Variants in PSMA6 observed in about 807,000 individuals in gnomAD.
PSMA6 encodes the protein proteasome 20S subunit alpha 6, also known as proteasome subunit alpha type-6.
For synonymous variants in PSMA6, 88 were observed against 97.7 expected (o/e 0.90, Z 0.59); for missense variants, 170 against 294.8 (o/e 0.58, Z 3.10).
chr14:35,306,330 G>C (rs1469186590), intron 1 of PSMA6, among the ~76,000 whole-genome samples: 2 of 152,126 alleles, frequency 1.3e-5, no homozygotes, highest in African/African-American at 4.8e-5. Flanking sequence ...GCTGATATGG[G>C]AGGATCGCTT....
chr14:35,283,377 AAG>A (rs1167918396), intron 1 of PSMA6, among the ~76,000 whole-genome samples: 1 of 151,426 alleles, frequency 6.6e-6, no homozygotes, highest in African/African-American at 2.4e-5. Context: ...AAAAAAAAAA[AAG>A]AGAGAGAAAG....
chr14:35,295,587 G>T (rs894424368), intron 1 of PSMA6, among the ~76,000 whole-genome samples: 3 of 151,484 alleles, frequency 2.0e-5, no homozygotes, highest in African/African-American at 7.3e-5. Flanking sequence ...CAAGTAGCTG[G>T]GATTACAGAC....
At chr14:35,309,453 C>T (rs988202400) in intron 3 of PSMA6, among the ~76,000 whole-genome samples, 8 of 152,100 alleles carry the variant, frequency 5.3e-5, no homozygotes, top group African/African-American at 1.7e-4. Flanking sequence ...AGTTCAAAAC[C>T]AGCCTGGGCA....
intron 1 of PSMA6, among the ~76,000 whole-genome samples, chr14:35,285,360 A>AC (rs1555335410): frequency 1.3e-5 from 2 of 150,742 alleles, no homozygotes; most frequent in African/African-American, 4.9e-5. Flanking sequence ...AAAAACAAAA[A>AC]AAAAAACCGT....
chr14:35,303,842 A>G (rs1224110637), intron 1 of PSMA6, among the ~76,000 whole-genome samples: 4 of 152,118 alleles, frequency 2.6e-5, no homozygotes, highest in African/African-American at 7.2e-5. Flanking sequence ...TAAACAATGT[A>G]GTATAACAAC....
chr14:35,283,007 T>A (rs913645979), intron 1 of PSMA6, among the ~76,000 whole-genome samples: 9 of 151,962 alleles, frequency 5.9e-5, no homozygotes, highest in African/African-American at 2.2e-4. Flanking sequence ...CACACCCAGC[T>A]AATTTTTTGT....
chr14:35,289,010 T>G (rs775196538), upstream of PSMA6, among the ~76,000 whole-genome samples: 4 of 152,314 alleles, frequency 2.6e-5, no homozygotes, highest in South Asian at 8.3e-4. Flanking sequence ...TAGTGTAGTT[T>G]ATGTGTGGCT....
upstream of PSMA6, among the ~76,000 whole-genome samples, chr14:35,287,447 AAACTGCCGGC>A (rs2051431929): frequency 6.6e-6 from 1 of 152,144 alleles, no homozygotes; most frequent in East Asian, 1.9e-4. Context: ...TGGCTCACTG[AAACTGCCGGC>A]AGAGCACCTT....
chr14:35,308,229 G>T, intron 2 of PSMA6, 141 bp downstream of exon 2: 1 of 1,052,146 alleles, frequency 9.5e-7, no homozygotes, highest in South Asian at 1.7e-5. Context: ...CTAGACCAGC[G>T]TGACCAACAT....
chr14:35,281,440 C>G (rs1028550390), intron 1 of PSMA6, among the ~76,000 whole-genome samples: 1 of 152,198 alleles, frequency 6.6e-6, no homozygotes, highest in Non-Finnish European at 1.5e-5. Flanking sequence ...GCTTCTCAAA[C>G]TTAATAGGCA....
rs545835923 is a variant in PSMA6 at position 35,310,252 on chromosome 14, G to A, written c.254-488G>A. 5.1e-5 allele frequency: 22 copies of A among 428,206 alleles called. No homozygotes were observed. The East Asian group carries it at 6.7e-4, about 13-fold the overall frequency. The allele number at this position is 428,206 out of a possible 1,614,324, so 26.5% of individuals were successfully genotyped here. On this transcript the variant is annotated intron_variant, in intron 3 of 6. Coordinates refer to ENST00000261479, the MANE Select transcript of PSMA6 (RefSeq NM_002791.3). Reference sequence around the variant, plus strand: ...TCGCCCAGGCTGCTCCGCCTCCTGGGTTCAAGCAATTCTCGTGCCTCAACC... The same window carrying A: ...TCGCCCAGGCTGCTCCGCCTCCTGGATTCAAGCAATTCTCGTGCCTCAACC...
chr14:35,300,645 T>C (rs1308273194), intron 1 of PSMA6, among the ~76,000 whole-genome samples: 1 of 152,144 alleles, frequency 6.6e-6, no homozygotes, highest in Non-Finnish European at 1.5e-5. Flanking sequence ...TTTAGACAAA[T>C]GTAGATAGAC....
At chr14:35,298,793 G>A (rs2051649612) in intron 1 of PSMA6, among the ~76,000 whole-genome samples, 1 of 152,030 alleles carries the variant, frequency 6.6e-6, no homozygotes, top group African/African-American at 2.4e-5. Flanking sequence ...GAGTACAGTG[G>A]TGCAATCTCA....
At chr14:35,284,078 AT>A (rs762422008) in intron 1 of PSMA6, among the ~76,000 whole-genome samples, 13 of 152,102 alleles carry the variant, frequency 8.5e-5, no homozygotes, top group Non-Finnish European at 1.8e-4. Flanking sequence ...AAAACATTAA[AT>A]GTCTCCCCGT....
At chr14:35,317,117 A>T (rs772249845) in intron 6 of PSMA6, 132 bp from the exon 7 acceptor site, 2 of 666,904 alleles carry the variant, frequency 3.0e-6, no homozygotes, top group Non-Finnish European at 2.7e-6. Context: ...TTTTTTAAAG[A>T]TTGGTTTATA....
At chr14:35,288,263 C>T (rs2051441504), upstream of PSMA6, among the ~76,000 whole-genome samples, 2 of 152,074 alleles carry the variant, frequency 1.3e-5, no homozygotes, top group Admixed American at 1.3e-4. Flanking sequence ...TTTGGGAGGC[C>T]GAGGTAGGCG....
chr14:35,292,596 T>A (rs775134814), intron 1 of PSMA6, 44 bp downstream of exon 1: 2 of 1,606,538 alleles, frequency 1.2e-6, no homozygotes, highest in East Asian at 4.5e-5. Flanking sequence ...AATTGCCCTG[T>A]CATGGTACGT....
At chr14:35,306,601 C>G (rs913838472) in intron 1 of PSMA6, among the ~76,000 whole-genome samples, 1 of 151,020 alleles carries the variant, frequency 6.6e-6, no homozygotes, top group African/African-American at 2.4e-5. Flanking sequence ...CTACTCAGGA[C>G]GAGGCCGAGG....
upstream of PSMA6, chr14:35,292,216 T>C: frequency 1.0e-6 from 1 of 998,814 alleles, no homozygotes; most frequent in Non-Finnish European, 1.3e-6. Context: ...AAGTTTCACG[T>C]CTATCCACTC....
Sources: gnomAD v4.1 joint callset for allele counts (sites outside exome capture counted in the v4.1 genomes callset) on GRCh38, gnomAD v4.1.1 for gene constraint, MANE v1.5 for transcripts, NCBI Gene and HGNC (gene_info 2026-07-23, HGNC 2026-07-21) for gene names.